Variants in RGMB observed in about 807,000 individuals in gnomAD.
RGMB encodes repulsive guidance molecule BMP co-receptor b.
RGMB carries 16 observed loss-of-function variants against 26.9 expected under a neutral mutation model. The observed-to-expected ratio is 0.60, with a 90% CI of 0.40 to 0.90. RGMB has a LOEUF of 0.90. RGMB is among the 40% of genes least tolerant of loss of function. RGMB has a pLI of 0.00. For synonymous variants in RGMB, 225 were observed against 229.3 expected (o/e 0.98, Z 0.17); for missense variants, 512 against 573.3 (o/e 0.89, Z 1.09).
At chr5:98,777,331 A>G (rs546426076) in intron 1 of RGMB, among the ~76,000 whole-genome samples, 12 of 152,288 alleles carry the variant, frequency 7.9e-5, no homozygotes, top group Admixed American at 7.2e-4. Context: ...TTGTGCTGTC[A>G]TTTATCCGTA....
At chr5:98,776,502 A>G (rs570939156) in intron 1 of RGMB, among the ~76,000 whole-genome samples, 1 of 152,242 alleles carries the variant, frequency 6.6e-6, no homozygotes, top group Admixed American at 6.5e-5. Flanking sequence ...TTGTCTTGGC[A>G]TTTTGACAGG....
rs1747061583 is a variant in RGMB, at chr5:98,794,763, G to A, written c.*1010G>A. On this transcript the variant is annotated 3_prime_UTR_variant, in exon 3 of 3. Coordinates refer to ENST00000513185, the MANE Select transcript of RGMB (RefSeq NM_001366508.1). ...CCTCACCTTACGAATCCAAAGAACT[G>A]GGGTTTGTTAGGTTCTTTCTCTAAT... is the stretch of plus-strand genomic sequence containing the variant. The A allele has an allele frequency of 6.6e-6, 1 of 152,150 alleles. No individual in the cohort carries two copies. The highest frequency in any genetic ancestry group is 6.5e-5 in the Admixed American group (1 of 15,276). The allele number at this position is 152,150 out of a possible 1,614,324, so 9.4% of individuals were successfully genotyped here.
rs79346138 is a variant in RGMB, at chr5:98,787,311, A to G, written c.646-5774A>G. On this transcript the variant is annotated intron_variant, in intron 2 of 2. Coordinates refer to ENST00000513185, the MANE Select transcript of RGMB (RefSeq NM_001366508.1). The stretch of plus-strand genomic sequence containing the variant: ...CACCTCCCAAAGCTGAAAAATGATC[A>G]AAGAGCCTGTGGTTTTCTAATCCCA... 5.2e-3 allele frequency among the ~76,000 whole-genome samples: 798 copies of G among 152,308 alleles called. 7 individuals carry two copies. The highest frequency in any genetic ancestry group is 0.018 in the African/African-American group (766 of 41,562).
At chr5:98,780,855 G>C (rs1554067812) in intron 2 of RGMB, 1 of 152,222 alleles carries the variant, frequency 6.6e-6, no homozygotes, top group Non-Finnish European at 1.5e-5. Flanking sequence ...CAAGCAGGTA[G>C]AGAGGACCTA....
intron 2 of RGMB, chr5:98,780,474 T>TA (rs1746562230): frequency 6.1e-6 from 1 of 163,392 alleles, no homozygotes; most frequent in African/African-American, 2.4e-5. Flanking sequence ...GTGTTCTGAA[T>TA]AAAGAAAGCT....
rs1262163476 is a variant in RGMB, at chr5:98,773,669, A to G, written c.-402A>G. 1 of 350,586 alleles carries G rather than the reference A, an allele frequency of 2.9e-6. No homozygotes were observed. The allele number at this position is 350,586 out of a possible 1,614,324, so 21.7% of individuals were successfully genotyped here. On this transcript the variant is annotated 5_prime_UTR_variant, in exon 1 of 3. Transcript: ENST00000513185. ...CGACCGCGGGGGCTGCCGCGCAGAG[A>G]TATCCGGGCCGCCGGTGGGTGGTCG...
chr5:98,793,851 T>TA lies in RGMB; in HGVS notation c.*99dup. The TA allele has an allele frequency of 1.1e-6, 1 of 909,040 alleles. No individual in the cohort carries two copies. Among genetic ancestry groups the TA allele is most frequent in the African/African-American group, 1.7e-5 (1 of 59,628 alleles). The allele number at this position is 909,040 out of a possible 1,614,324, so 56.3% of individuals were successfully genotyped here. Reference sequence around the variant, plus strand: ...TTGAGTAAAAGAGTATATATGTATATACCATGTATATGACAGGATGTTTGT... The same window carrying TA: ...TTGAGTAAAAGAGTATATATGTATATAACCATGTATATGACAGGATGTTTGT... On this transcript the variant is annotated 3_prime_UTR_variant, in exon 3 of 3. Coordinates refer to ENST00000513185, the MANE Select transcript of RGMB (RefSeq NM_001366508.1).
chr5:98,779,770 G>A lies in RGMB; in HGVS notation c.327G>A (p.Val109=). 1 of 1,614,064 alleles carries A rather than the reference G, an allele frequency of 6.2e-7. No homozygotes were observed. The highest frequency in any genetic ancestry group is 8.5e-7 in the Non-Finnish European group (1 of 1,179,900). The change falls in exon 2 of 3, where the codon GTG becomes GTA. Residue 109 remains valine (V), a synonymous_variant. Transcript: ENST00000513185. ...CRGNLVYHSA[V]LGISDLMSQR... The stretch of plus-strand genomic sequence containing the variant: ...GCAACCTGGTATACCATTCTGCCGT[G>A]TTGGGTATCAGTGACCTCATGAGCC...
chr5:98,781,761 G>A (rs331550), intron 2 of RGMB, among the ~76,000 whole-genome samples: 81,631 of 151,956 alleles, frequency 0.54, 22,199 homozygotes, highest in East Asian at 0.7. Flanking sequence ...CCTTCCATCC[G>A]GTCATGTCAC....
upstream of RGMB, among the ~76,000 whole-genome samples, chr5:98,772,153 T>C (rs966612792): frequency 2.0e-5 from 3 of 152,240 alleles, no homozygotes; most frequent in Non-Finnish European, 2.9e-5. Flanking sequence ...TCCAGGCAAC[T>C]GTGAAGCTAT....
chr5:98,793,177 C>T lies in RGMB; in HGVS notation c.738C>T (p.Gly246=), dbSNP rs536060842. The T allele has an allele frequency of 3.7e-6, 6 of 1,613,968 alleles. No individual in the cohort carries two copies. In the African/African-American group the frequency reaches 6.7e-5, roughly 18 times the overall value. The change falls in exon 3 of 3, where the codon GGC becomes GGT. Residue 246 remains glycine, a synonymous_variant. Coordinates refer to ENST00000513185, the MANE Select transcript of RGMB (RefSeq NM_001366508.1). Reference sequence around the variant, plus strand: ...ACCTGCCGGCCGCCTTTGTGGATGGCACCACCAGTGGTGGGGACAGCGATG... The same window carrying T: ...ACCTGCCGGCCGCCTTTGTGGATGGTACCACCAGTGGTGGGGACAGCGATG... ...TDDLPAAFVD[G]TTSGGDSDAK...
intron 2 of RGMB, among the ~76,000 whole-genome samples, chr5:98,785,663 TGTCA>T (rs1442105341): frequency 6.6e-6 from 1 of 152,236 alleles, no homozygotes; most frequent in African/African-American, 2.4e-5. Flanking sequence ...AGAATTTGAC[TGTCA>T]TAGTCGCCAG....
In RGMB at chr5:98,774,031, G is replaced by A. The variant is rs1479357554; in HGVS notation, c.-40G>A. On this transcript the variant is annotated 5_prime_UTR_variant, in exon 1 of 3. Transcript: ENST00000513185. The stretch of plus-strand genomic sequence containing the variant: ...CCAGACCCGCCACGGCGCCCGCGCC[G>A]CCGCCCTCGCCGGAGCCCACGAGAC... 4.2e-6 allele frequency: 3 copies of A among 721,448 alleles called. No homozygotes were observed. The highest frequency in any genetic ancestry group is 2.8e-5 in the Admixed American group (1 of 35,944). The allele number at this position is 721,448 out of a possible 1,614,324, so 44.7% of individuals were successfully genotyped here.
chr5:98,792,035 T>C (rs575509514), intron 2 of RGMB, among the ~76,000 whole-genome samples: 9 of 152,242 alleles, frequency 5.9e-5, no homozygotes, highest in Non-Finnish European at 1.2e-4. Flanking sequence ...GGAAAACATT[T>C]GCTGTAACTA....
At chr5:98,792,942 G>T in intron 2 of RGMB, 143 bp from the exon 3 acceptor site, 1 of 570,378 alleles carries the variant, frequency 1.8e-6, no homozygotes, top group Non-Finnish European at 3.1e-6. Flanking sequence ...ATCCATTTTT[G>T]AGGTGCAAGC....
chr5:98,779,576 A>G lies in RGMB; in HGVS notation c.137-4A>G, dbSNP rs1746521269. The G allele has an allele frequency of 6.6e-6, 10 of 1,508,884 alleles. No individual in the cohort carries two copies. Among genetic ancestry groups the G allele is most frequent in the South Asian group, 1.4e-5 (1 of 73,068 alleles). The allele number at this position is 1,508,884 out of a possible 1,614,324, so 93.5% of individuals were successfully genotyped here. A position where few individuals can be genotyped will look rare whatever the true frequency, so the allele number is the denominator to read the frequency against. On this transcript the variant is annotated splice_polypyrimidine_tract_variant and splice_region_variant and intron_variant, in intron 1 of 2. Transcript: ENST00000513185. ...AATGTTTGGTCTTATCTTCTTTCCCATAGGTGACTGCCAACAGCCAGCCCA... is the reference window on the plus strand; with the variant it reads ...AATGTTTGGTCTTATCTTCTTTCCCGTAGGTGACTGCCAACAGCCAGCCCA...
chr5:98,790,874 A>ATAAAAAG, intron 2 of RGMB, among the ~76,000 whole-genome samples: 1 of 152,352 alleles, frequency 6.6e-6, no homozygotes, highest in South Asian at 2.1e-4. Context: ...TAGTGATTAT[A>ATAAAAAG]TAAAAAGTCT....
At chr5:98,792,229 C>T (rs759680127) in intron 2 of RGMB, among the ~76,000 whole-genome samples, 9 of 152,064 alleles carry the variant, frequency 5.9e-5, no homozygotes, top group Non-Finnish European at 1.0e-4. Context: ...CTCTGTATTT[C>T]GAGTAAGTTT....
upstream of RGMB, chr5:98,768,771 T>C (rs1235340985): frequency 6.6e-6 from 1 of 152,278 alleles, no homozygotes; most frequent in African/African-American, 2.4e-5. Flanking sequence ...CTGGATTCCT[T>C]ATTTCGGCGA....
Sources: allele counts gnomAD v4.1 joint callset (sites outside exome capture counted in the v4.1 genomes callset), GRCh38; gene constraint gnomAD v4.1.1; transcripts MANE v1.5; gene names NCBI Gene and HGNC (gene_info 2026-07-23, HGNC 2026-07-21).